The following GNL3 variants were observed in gnomAD, a reference collection of about 807,000 sequenced individuals.
The protein encoded by GNL3 is G protein nucleolar 3, also known as guanine nucleotide-binding protein-like 3.
In GNL3, 77 loss-of-function variants were observed where a neutral mutation model predicts 70.6. The observed-to-expected ratio is 1.09, with a 90% CI of 0.91 to 1.32. The LOEUF is 1.32. Ranked by LOEUF, GNL3 falls within the 40% of genes most tolerant of loss-of-function variation. The pLI is 0.00. For missense variants in GNL3, 634 were observed against 644.0 expected (o/e 0.98, Z 0.17); for synonymous variants, 252 against 216.1 (o/e 1.17, Z -1.46).
rs2097329281 is a variant in GNL3, at chr3:52,693,394, A to G, written c.1188-14A>G. 1 of 1,613,996 alleles carries G rather than the reference A, an allele frequency of 6.2e-7. No individual in the cohort carries two copies. On this transcript the variant is annotated splice_polypyrimidine_tract_variant and intron_variant, in intron 11 of 14. Coordinates refer to ENST00000418458, the MANE Select transcript of GNL3 (RefSeq NM_014366.5). ...AATAAACCTTCTTTTGACACATCTTATTTTTAATATCAGTGCCTCATTAGC... is the reference window on the plus strand; with the variant it reads ...AATAAACCTTCTTTTGACACATCTTGTTTTTAATATCAGTGCCTCATTAGC...
chr3:52,686,772 T>TA lies in GNL3; in HGVS notation c.20dup (p.Lys8GlufsTer4). The TA allele has an allele frequency of 6.2e-7, 1 of 1,609,528 alleles. No individual in the cohort carries two copies. Among genetic ancestry groups the TA allele is most frequent in the Non-Finnish European group, 8.5e-7 (1 of 1,175,830 alleles). On this transcript the variant is annotated frameshift_variant, in exon 2 of 15. Transcript: ENST00000418458. LOFTEE classifies it high-confidence loss of function. The stretch of plus-strand genomic sequence containing the variant: ...TTTGTGATGTGTTTCTTTGTAGAGT[T>TA]AAAGAAAGCAAGTAAACGCATGACC...
At chr3:52,694,152 CTT>C in intron 14 of GNL3, 39 bp from the exon 15 acceptor site, 2 of 1,592,928 alleles carry the variant, frequency 1.3e-6, no homozygotes, top group South Asian at 1.1e-5. Context: ...TATAGAATCA[CTT>C]TTACTTTTTG....
rs762845966 is a variant in GNL3, at chr3:52,693,676, T to G, written c.1369T>G (p.Ser457Ala). ...HLANSILFQS[S>A]GLTNGIIEEK... is the part of the protein sequence containing the mutation. ...GGCCAATAGCATCCTTTTCCAGTCTTCCGGTCTGACAAATGGAATAATAGA... is the reference window on the plus strand; with the variant it reads ...GGCCAATAGCATCCTTTTCCAGTCTGCCGGTCTGACAAATGGAATAATAGA... The change falls in exon 13 of 15, where the codon TCC becomes GCC. Residue 457 changes from serine to alanine, a missense_variant. By Grantham distance (99) the Ser-to-Ala change is moderately conservative. Transcript: ENST00000418458. 1.2e-6 allele frequency: 2 copies of G among 1,614,152 alleles called. No individual in the cohort carries two copies. Among genetic ancestry groups the G allele is most frequent in the East Asian group, 2.2e-5 (1 of 44,878 alleles).
In GNL3 at chr3:52,692,990, G is replaced by A; in HGVS notation, c.988G>A (p.Val330Ile). Reference protein sequence around the residue: ...LALRSPASIEVVKPMEAASAI... With the variant: ...LALRSPASIEIVKPMEAASAI... ...TCTGCGAAGTCCAGCAAGTATTGAAGTAGTAAAACCGATGGAGGCTGCCAG... is the reference window on the plus strand; with the variant it reads ...TCTGCGAAGTCCAGCAAGTATTGAAATAGTAAAACCGATGGAGGCTGCCAG... The change falls in exon 10 of 15, where the codon GTA (valine) becomes ATA (isoleucine). Residue 330 changes from valine (V) to isoleucine (I), a missense_variant. Physicochemically the swap from Val to Ile is conservative, Grantham distance 29. Transcript: ENST00000418458. 2.5e-6 allele frequency: 4 copies of A among 1,614,206 alleles called. No homozygotes were observed. The highest frequency in any genetic ancestry group is 3.4e-6 in the Non-Finnish European group (4 of 1,180,024).
chr3:52,693,899 C>G, intron 13 of GNL3, 92 bp downstream of exon 13: 1 of 1,348,434 alleles, frequency 7.4e-7, no homozygotes, highest in South Asian at 1.3e-5. Context: ...ATATTTGAGG[C>G]TTGTGATCCA....
intron 9 of GNL3, among the ~76,000 whole-genome samples, chr3:52,691,934 C>G (rs1381682282): frequency 1.3e-5 from 2 of 152,140 alleles, no homozygotes; most frequent in East Asian, 3.9e-4. Flanking sequence ...CTCCTGACTT[C>G]AGCTGATCTG....
chr3:52,691,962 A>G (rs2097327742), intron 9 of GNL3, among the ~76,000 whole-genome samples: 1 of 152,060 alleles, frequency 6.6e-6, no homozygotes, highest in African/African-American at 2.4e-5. Flanking sequence ...CGGCCTCCCA[A>G]AGTGCTGGGG....
At chr3:52,691,232 C>T in intron 8 of GNL3, 161 bp downstream of exon 8, 1 of 650,910 alleles carries the variant, frequency 1.5e-6, no homozygotes, top group Non-Finnish European at 2.6e-6. Context: ...AAGCACATAA[C>T]CACACACAAT....
At position 52,694,207 on chromosome 3, in the gene GNL3, A is replaced by G. The variant is rs188294925; in HGVS notation, c.1582A>G (p.Arg528Gly). Residue 528 changes from arginine (R) to glycine (G), a missense_variant, in exon 15 of 15, where the codon AGG becomes GGG. Coordinates refer to ENST00000418458, the MANE Select transcript of GNL3 (RefSeq NM_014366.5). ...EETTAGEQST[R>G]SFILDKIIEE... ...CTGCAATATAGGTGAACAGTCTACA[A>G]GGTCTTTTATCTTGGATAAAATCAT... 1.2e-6 allele frequency: 2 copies of G among 1,600,660 alleles called. No individual in the cohort carries two copies. The highest frequency in any genetic ancestry group is 2.2e-5 in the East Asian group (1 of 44,818).
rs1306188201 is a variant in GNL3, at chr3:52,693,037, T to C, written c.1035T>C (p.Asp345=). The C allele has an allele frequency of 6.2e-7, 1 of 1,614,194 alleles. No homozygotes were observed. The highest frequency in any genetic ancestry group is 8.5e-7 in the Non-Finnish European group (1 of 1,179,980). ...CCAGTGCCATCCTTTCCCAGGCTGA[T>C]GCTCGACAGGTAAAAGGACCCCTTC... is the stretch of plus-strand genomic sequence containing the variant. The part of the protein sequence containing the change: ...EAASAILSQA[D]ARQVVLKYTV... Residue 345 remains aspartate, a synonymous_variant, in exon 10 of 15, where the codon GAT becomes GAC. Coordinates refer to ENST00000418458, the MANE Select transcript of GNL3 (RefSeq NM_014366.5).
rs2097308607 is a variant in GNL3 at position 52,686,073 on chromosome 3, T to C, written c.-20T>C. The C allele has an allele frequency of 8.8e-7, 1 of 1,142,348 alleles. No individual in the cohort carries two copies. Among genetic ancestry groups the C allele is most frequent in the Non-Finnish European group, 1.3e-6 (1 of 748,498 alleles). 70.8% of individuals were successfully genotyped at this position (1,142,348 alleles called of 1,614,324 possible). The stretch of plus-strand genomic sequence containing the variant: ...CAGCGGAGGCAGGTTGATGTGTTTG[T>C]GCTTCCTTCTACAGCCAATATGAAA... On this transcript the variant is annotated 5_prime_UTR_variant, in exon 1 of 15. Transcript: ENST00000418458.
At chr3:52,688,882 T>G in intron 5 of GNL3, 192 bp from the exon 6 acceptor site, 1 of 602,148 alleles carries the variant, frequency 1.7e-6, no homozygotes, top group South Asian at 2.0e-5. Flanking sequence ...TGTTTTACTT[T>G]CCTGTGTGAG....
At chr3:52,690,892 G>A in intron 7 of GNL3, 53 bp from the exon 8 acceptor site, 1 of 1,595,036 alleles carries the variant, frequency 6.3e-7, no homozygotes. Context: ...CTTGGGGTTT[G>A]TTGAAATTTA....
chr3:52,692,714 T>TA, intron 9 of GNL3, 158 bp from the exon 10 acceptor site: 1 of 766,072 alleles, frequency 1.3e-6, no homozygotes, highest in South Asian at 1.4e-5. Flanking sequence ...AACAGTCGGG[T>TA]ATGCTGTTAC....
At chr3:52,692,079 A>G (rs2097327828) in intron 9 of GNL3, among the ~76,000 whole-genome samples, 1 of 152,196 alleles carries the variant, frequency 6.6e-6, no homozygotes, top group African/African-American at 2.4e-5. Flanking sequence ...ACAGCTGCCC[A>G]CAATTTAGTT....
chr3:52,693,688 A>C lies in GNL3; in HGVS notation c.1381A>C (p.Asn461His). ...CCTTTTCCAGTCTTCCGGTCTGACA[A>C]ATGGAATAATAGAAGAAAAGGACAT... ...SILFQSSGLT[N>H]GIIEEKDIHE... The change falls in exon 13 of 15, where the codon AAT becomes CAT. Residue 461 changes from asparagine to histidine, a missense_variant. Asn to His is a moderately conservative substitution (Grantham distance 68). Transcript: ENST00000418458. 1 of 1,614,124 alleles carries C rather than the reference A, an allele frequency of 6.2e-7. No homozygotes were observed. The highest frequency in any genetic ancestry group is 8.5e-7 in the Non-Finnish European group (1 of 1,179,982).
chr3:52,691,183 G>T, intron 8 of GNL3, 112 bp downstream of exon 8: 5 of 915,320 alleles, frequency 5.5e-6, no homozygotes, highest in Non-Finnish European at 6.9e-6. Flanking sequence ...CAAGTAAAAG[G>T]CTCACTCAAA....
intron 6 of GNL3, among the ~76,000 whole-genome samples, chr3:52,689,530 G>A (rs932594830): frequency 4.6e-5 from 7 of 152,086 alleles, no homozygotes. Context: ...CACAATGTCG[G>A]GTATTAGTTC....
rs1452454671 is a variant in GNL3, at chr3:52,693,727, C to T, written c.1420C>T (p.Pro474Ser). 6.2e-7 allele frequency: 1 copy of T among 1,613,624 alleles called. No homozygotes were observed. The highest frequency in any genetic ancestry group is 8.5e-7 in the Non-Finnish European group (1 of 1,179,850). ...AGAAAAGGACATACATGAAGAATTG[C>T]CAAAACGGAAAGAAAGGAAGCAGGA... ...IEEKDIHEEL[P>S]KRKERKQEER... The change falls in exon 13 of 15, where the codon CCA becomes TCA. Residue 474 changes from proline to serine, a missense_variant. Coordinates refer to ENST00000418458, the MANE Select transcript of GNL3 (RefSeq NM_014366.5).
Sources: gnomAD v4.1 joint callset for allele counts (sites outside exome capture counted in the v4.1 genomes callset) on GRCh38, gnomAD v4.1.1 for gene constraint, MANE v1.5 for transcripts, NCBI Gene and HGNC (gene_info 2026-07-23, HGNC 2026-07-21) for gene names.